The following IGFBP4 variants were observed in gnomAD, a reference collection of about 807,000 sequenced individuals.
IGFBP4 encodes insulin-like growth factor-binding protein 4.
Under a neutral mutation model 25.8 loss-of-function variants are expected in IGFBP4, and 9 were observed. The observed-to-expected ratio is 0.35, with a 90% CI of 0.21 to 0.61. IGFBP4 has a LOEUF of 0.61. IGFBP4 is among the 20% of genes least tolerant of loss of function. The probability of loss-of-function intolerance (pLI) is 0.77; values close to 1 mark genes in which losing one functional copy is unlikely to be tolerated. For synonymous variants in IGFBP4, 153 were observed against 153.9 expected (o/e 0.99, Z 0.05); for missense variants, 315 against 365.3 (o/e 0.86, Z 1.12).
chr17:40,444,368 G>T (rs1322835135), intron 1 of IGFBP4, among the ~76,000 whole-genome samples: 3 of 152,192 alleles, frequency 2.0e-5, no homozygotes, highest in South Asian at 4.1e-4. Context: ...AGGCCTGGCT[G>T]CTGGTGCAGG....
In IGFBP4 at chr17:40,456,416, C is replaced by T. The variant is rs762565607; in HGVS notation, c.643-33C>T. On this transcript the variant is annotated intron_variant, in intron 3 of 3. Transcript: ENST00000269593. Reference sequence around the variant, plus strand: ...TCACTTGGGGTCTCTTTTCCTGCGTCGGAACTGACCCCTCATGTCCTTCTC... The same window carrying T: ...TCACTTGGGGTCTCTTTTCCTGCGTTGGAACTGACCCCTCATGTCCTTCTC... 19 of 1,612,984 alleles carry T rather than the reference C, an allele frequency of 1.2e-5. No individual in the cohort carries two copies. The Admixed American group carries it at 1.3e-4, about 11-fold the overall frequency.
At position 40,451,190 on chromosome 17, in the gene IGFBP4, G is replaced by A. The variant is rs80236754; in HGVS notation, c.350-1795G>A. ...TTTGGTTGACTCTTAGGAACTTGAT[G>A]TAGGACTGGAGTCCCCTCTGGACTG... On this transcript the variant is annotated intron_variant, in intron 1 of 3. Transcript: ENST00000269593. Among the ~76,000 whole-genome samples the A allele has an allele frequency of 5.3e-3, 810 of 152,278 alleles. 6 individuals are homozygous for A. Among genetic ancestry groups the A allele is most frequent in the African/African-American group, 0.018 (766 of 41,550 alleles).
At position 40,453,277 on chromosome 17, in the gene IGFBP4, GGT is replaced by G. The variant is rs2035696675; in HGVS notation, c.507+137_507+138del. 1.7e-6 allele frequency: 1 copy of G among 605,708 alleles called. No individual in the cohort carries two copies. Among genetic ancestry groups the G allele is most frequent in the Non-Finnish European group, 2.6e-6 (1 of 389,716 alleles). The allele number at this position is 605,708 out of a possible 1,614,324, so 37.5% of individuals were successfully genotyped here. On this transcript the variant is annotated intron_variant, in intron 2 of 3. Coordinates refer to ENST00000269593, the MANE Select transcript of IGFBP4 (RefSeq NM_001552.3). The surrounding 1 kb of genome is among the most constrained non-coding windows in gnomAD (Gnocchi z 4.0). ...CGTGTTCATTCAGCACACATTCTAG[GGT>G]GACTACTGTGTGCAAGGTGCAACTA...
intron 1 of IGFBP4, among the ~76,000 whole-genome samples, chr17:40,448,439 G>A (rs2143738809): frequency 6.6e-6 from 1 of 152,360 alleles, no homozygotes; most frequent in South Asian, 2.1e-4. Flanking sequence ...GCTGTAGGAG[G>A]ACCAAGCCTA....
In IGFBP4 at chr17:40,443,690, C is replaced by T; in HGVS notation, c.-46C>T. ...CGCTCGCCCGCGCGCCCGCGCTCCC[C>T]GCCTGCGCCCAGCGCCCCGCGCCCG... is the stretch of plus-strand genomic sequence containing the variant. On this transcript the variant is annotated 5_prime_UTR_variant, in exon 1 of 4. Transcript: ENST00000269593. 3 of 1,176,770 alleles carry T rather than the reference C, an allele frequency of 2.5e-6. No individual in the cohort carries two copies. The highest frequency in any genetic ancestry group is 3.2e-6 in the Non-Finnish European group (3 of 938,080). 72.9% of individuals were successfully genotyped at this position (1,176,770 alleles called of 1,614,324 possible). A position where few individuals can be genotyped will look rare whatever the true frequency, so the allele number is the denominator to read the frequency against.
At chr17:40,456,343 C>T in intron 3 of IGFBP4, 106 bp from the exon 4 acceptor site, 5 of 1,164,596 alleles carry the variant, frequency 4.3e-6, no homozygotes, top group Non-Finnish European at 6.2e-6. Flanking sequence ...CATCTTGAAG[C>T]AGCGACCGTC....
At position 40,444,096 on chromosome 17, in the gene IGFBP4, C is replaced by T; in HGVS notation, c.349+12C>T. On this transcript the variant is annotated intron_variant, in intron 1 of 3. Transcript: ENST00000269593. ...CCTGCAGCCCTCTGGTAAGGTACCC[C>T]TGGCCTCCCAATTCCCTCCTGAGTG... 1 of 1,527,634 alleles carries T rather than the reference C, an allele frequency of 6.5e-7. No individual in the cohort carries two copies. Among genetic ancestry groups the T allele is most frequent in the Non-Finnish European group, 8.8e-7 (1 of 1,139,618 alleles). The allele number at this position is 1,527,634 out of a possible 1,614,324, so 94.6% of individuals were successfully genotyped here.
chr17:40,443,804 AGCCATC>A lies in IGFBP4; in HGVS notation c.70_75del (p.Ala24_Ile25del). On this transcript the variant is annotated inframe_deletion, in exon 1 of 4. Transcript: ENST00000269593. ...GGCCCGGGCCGAGCCTGGGCGACGA[AGCCATC>A]CACTGCCCGCCCTGCTCCGAGGAGA... 1 of 1,526,688 alleles carries A rather than the reference AGCCATC, an allele frequency of 6.6e-7. No homozygotes were observed. The highest frequency in any genetic ancestry group is 8.7e-7 in the Non-Finnish European group (1 of 1,144,914). The allele number at this position is 1,526,688 out of a possible 1,614,324, so 94.6% of individuals were successfully genotyped here.
chr17:40,454,182 A>C, intron 3 of IGFBP4, 120 bp downstream of exon 3: 8 of 1,374,232 alleles, frequency 5.8e-6, no homozygotes, highest in Non-Finnish European at 6.8e-6. Flanking sequence ...CCCCAACCCA[A>C]CCCCTTGGAG....
rs556719108 is a variant in IGFBP4, at chr17:40,455,897, C to T, written c.643-552C>T. 2.8e-4 allele frequency among the ~76,000 whole-genome samples: 42 copies of T among 152,232 alleles called. No homozygotes were observed. In the East Asian group the frequency reaches 7.1e-3, roughly 26 times the overall value. On this transcript the variant is annotated intron_variant, in intron 3 of 3. Transcript: ENST00000269593. ...ATTCTCACACTGAAATATACATTTG[C>T]GCCCCCTGAACCTTCTACTATCTAA...
chr17:40,453,938 C>T lies in IGFBP4; in HGVS notation c.518C>T (p.Ser173Phe), dbSNP rs762201349. ...CTTCCCCTCCTCCAGCCCCAGGGCT[C>T]CTGCCAGAGCGAGCTGCACCGGGCG... ...REDARPVPQG[S>F]CQSELHRALE... is the part of the protein sequence containing the mutation. The change falls in exon 3 of 4, where the codon TCC becomes TTC. Residue 173 changes from serine (S) to phenylalanine (F), a missense_variant. Transcript: ENST00000269593. The surrounding 1 kb of genome is among the most constrained non-coding windows in gnomAD (Gnocchi z 4.0). 2 of 1,607,712 alleles carry T rather than the reference C, an allele frequency of 1.2e-6. No homozygotes were observed.
intron 3 of IGFBP4, among the ~76,000 whole-genome samples, chr17:40,455,592 C>T (rs771671129): frequency 1.5e-4 from 23 of 152,042 alleles, no homozygotes; most frequent in Non-Finnish European, 2.4e-4. Context: ...AAGCGATTCT[C>T]CTGCCTTAGC....
At chr17:40,444,926 C>CACACACAGAGAG (rs1456516087) in intron 1 of IGFBP4, among the ~76,000 whole-genome samples, 1 of 62,690 alleles carries the variant, frequency 1.6e-5, no homozygotes, top group African/African-American at 4.5e-5. Flanking sequence ...CACACACACA[C>CACACACAGAGAG]AGAGACAGAG....
At chr17:40,451,721 A>G (rs1039031069) in intron 1 of IGFBP4, among the ~76,000 whole-genome samples, 4 of 151,988 alleles carry the variant, frequency 2.6e-5, no homozygotes, top group African/African-American at 9.7e-5. Context: ...AGGTCTTCCA[A>G]CCTCTTTCTC....
chr17:40,444,223 C>G (rs2035627962), intron 1 of IGFBP4, 139 bp downstream of exon 1: 1 of 708,424 alleles, frequency 1.4e-6, no homozygotes, highest in South Asian at 1.6e-5. Flanking sequence ...CAGGGCCCGA[C>G]TGGCATGGGA....
intron 3 of IGFBP4, among the ~76,000 whole-genome samples, chr17:40,455,504 CA>C (rs1567801852): frequency 2.0e-5 from 3 of 150,750 alleles, no homozygotes. Context: ...TTTTTTGAGA[CA>C]GAGTTTGTCT....
chr17:40,451,122 T>C lies in IGFBP4; in HGVS notation c.350-1863T>C, dbSNP rs1296196815. On this transcript the variant is annotated intron_variant, in intron 1 of 3. Transcript: ENST00000269593. ...CTTCTGAAGTTTATGTTTCTTCTTT[T>C]GCTGCCTACCTTGGCCAGGGGGTCT... Among the ~76,000 whole-genome samples the C allele has an allele frequency of 2.0e-5, 3 of 152,204 alleles. No homozygotes were observed. In the East Asian group the frequency reaches 5.8e-4, roughly 29 times the overall value.
At position 40,453,254 on chromosome 17, in the gene IGFBP4, T is replaced by C; in HGVS notation, c.507+112T>C. 1 of 798,258 alleles carries C rather than the reference T, an allele frequency of 1.3e-6. No homozygotes were observed. The allele number at this position is 798,258 out of a possible 1,614,324, so 49.4% of individuals were successfully genotyped here. ...CACCATCACCACCAGATCTGGGGCGTGTTCATTCAGCACACATTCTAGGGT... is the reference window on the plus strand; with the variant it reads ...CACCATCACCACCAGATCTGGGGCGCGTTCATTCAGCACACATTCTAGGGT... On this transcript the variant is annotated intron_variant, in intron 2 of 3. Coordinates refer to ENST00000269593, the MANE Select transcript of IGFBP4 (RefSeq NM_001552.3). The surrounding 1 kb of genome is among the most constrained non-coding windows in gnomAD (Gnocchi z 4.0).
At chr17:40,450,626 G>A (rs1179451557) in intron 1 of IGFBP4, among the ~76,000 whole-genome samples, 1 of 151,728 alleles carries the variant, frequency 6.6e-6, no homozygotes, top group Non-Finnish European at 1.5e-5. Flanking sequence ...TAGCCTTGAT[G>A]TACTGGGGTC....
Sources: gnomAD v4.1 joint callset for allele counts (sites outside exome capture counted in the v4.1 genomes callset) on GRCh38, gnomAD v4.1.1 for gene constraint, Gnocchi (gnomAD v3.1) non-coding constraint, MANE v1.5 for transcripts, NCBI Gene and HGNC (gene_info 2026-07-23, HGNC 2026-07-21) for gene names.